NGF: variants seen among roughly 807,000 people sequenced by gnomAD.
NGF encodes the protein beta-nerve growth factor.
A neutral mutation model predicts 12.8 loss-of-function variants in NGF; 4 were observed. That is an observed-to-expected ratio of 0.31 (90% CI 0.15 to 0.72). The LOEUF (loss-of-function observed/expected upper bound fraction) is 0.72. Among genes scored for constraint, NGF ranks in the 30% least tolerant of loss-of-function variants. The pLI, the probability that NGF is intolerant of heterozygous loss-of-function variation, is 0.69. For missense variants in NGF, 283 were observed against 330.8 expected (o/e 0.86, Z 1.12); for synonymous variants, 140 against 130.0 (o/e 1.08, Z -0.52).
At chr1:115,312,526 G>A (rs7555016) in intron 1 of NGF, among the ~76,000 whole-genome samples, 127,753 of 152,222 alleles carry the variant, frequency 0.84, 53,999 homozygotes, top group African/African-American at 0.94. Context: ...GTCAGCAATG[G>A]AGGGGTCACA....
chr1:115,326,134 C>A (rs1185647508), intron 1 of NGF, among the ~76,000 whole-genome samples: 1 of 151,938 alleles, frequency 6.6e-6, no homozygotes, highest in Admixed American at 6.6e-5. Flanking sequence ...AGCTCTAGGG[C>A]ACACCATATT....
At chr1:115,329,481 C>T (rs1292304680) in intron 1 of NGF, among the ~76,000 whole-genome samples, 1 of 152,138 alleles carries the variant, frequency 6.6e-6, no homozygotes. Flanking sequence ...GTTGTCTATG[C>T]CAGTGGCTTT....
intron 1 of NGF, among the ~76,000 whole-genome samples, chr1:115,314,583 TG>T (rs1654422028): frequency 6.6e-6 from 1 of 152,232 alleles, no homozygotes; most frequent in African/African-American, 2.4e-5. Context: ...AGGTGCACCA[TG>T]CCTGGAACTG....
rs1203734754 is a variant in NGF at position 115,338,097 on chromosome 1, AG to A, written c.-137+106del. 2.0e-5 allele frequency: 3 copies of A among 152,238 alleles called. No individual in the cohort carries two copies. The East Asian group carries it at 5.8e-4, about 30-fold the overall frequency. The allele number at this position is 152,238 out of a possible 1,614,324, so 9.4% of individuals were successfully genotyped here. A position where few individuals can be genotyped will look rare whatever the true frequency, so the allele number is the denominator to read the frequency against. On this transcript the variant is annotated intron_variant, in intron 1 of 2. Coordinates refer to ENST00000369512, the MANE Select transcript of NGF (RefSeq NM_002506.3). ...GCGGGAGCCTCGGGGGTAACCAGAG[AG>A]CTCGCCAGACCGGTATCCTTGCAAA...
At chr1:115,310,967 T>C (rs1654321303) in intron 1 of NGF, among the ~76,000 whole-genome samples, 2 of 152,128 alleles carry the variant, frequency 1.3e-5, no homozygotes, top group East Asian at 3.9e-4. Flanking sequence ...CCAGGCATTA[T>C]ACTAGAAGCT....
At chr1:115,301,315 G>A (rs999855054) in intron 1 of NGF, among the ~76,000 whole-genome samples, 5 of 152,116 alleles carry the variant, frequency 3.3e-5, no homozygotes, top group African/African-American at 1.2e-4. Flanking sequence ...TCTTTAGCAA[G>A]AGACTTAACC....
chr1:115,288,005 A>C (rs11466108), intron 2 of NGF, among the ~76,000 whole-genome samples: 7,470 of 152,254 alleles, frequency 0.049, 242 homozygotes, highest in African/African-American at 0.085. Flanking sequence ...GATCAGAAAT[A>C]TCTCTTGTAA....
chr1:115,299,642 A>T (rs927477648), intron 1 of NGF, among the ~76,000 whole-genome samples: 1 of 152,220 alleles, frequency 6.6e-6, no homozygotes, highest in Non-Finnish European at 1.5e-5. Flanking sequence ...TGTAGGGCTA[A>T]ATAATAGTCC....
At chr1:115,315,011 G>A (rs1360560867) in intron 1 of NGF, among the ~76,000 whole-genome samples, 3 of 152,212 alleles carry the variant, frequency 2.0e-5, no homozygotes, top group Non-Finnish European at 4.4e-5. Flanking sequence ...AATGTGGGAA[G>A]GACATTCCAG....
intron 1 of NGF, among the ~76,000 whole-genome samples, chr1:115,299,669 C>T (rs1335337286): frequency 6.6e-6 from 1 of 152,188 alleles, no homozygotes; most frequent in Non-Finnish European, 1.5e-5. Context: ...TATAGCCCCT[C>T]AGCTTAGTAA....
At chr1:115,337,684 C>A (rs368251884) in intron 1 of NGF, among the ~76,000 whole-genome samples, 54 of 152,200 alleles carry the variant, frequency 3.5e-4, no homozygotes, top group African/African-American at 1.3e-3. Flanking sequence ...CCAGGTCTAG[C>A]GCGCCCCGTT....
At chr1:115,317,167 G>C (rs1162506564) in intron 1 of NGF, among the ~76,000 whole-genome samples, 1 of 152,024 alleles carries the variant, frequency 6.6e-6, no homozygotes, top group Non-Finnish European at 1.5e-5. Flanking sequence ...CATGGCCCTT[G>C]TAATTTTCCA....
chr1:115,299,732 T>C (rs1653977422), intron 1 of NGF, among the ~76,000 whole-genome samples: 1 of 152,194 alleles, frequency 6.6e-6, no homozygotes, highest in African/African-American at 2.4e-5. Context: ...AATCCAATAA[T>C]TTTTCAAACT....
chr1:115,325,238 T>C (rs995386955), intron 1 of NGF, among the ~76,000 whole-genome samples: 1 of 151,992 alleles, frequency 6.6e-6, no homozygotes, highest in African/African-American at 2.4e-5. Context: ...TGCAAAAAGG[T>C]CAGTGTGGTC....
intron 1 of NGF, among the ~76,000 whole-genome samples, chr1:115,306,372 C>T (rs925319687): frequency 2.0e-5 from 3 of 152,194 alleles, no homozygotes; most frequent in Admixed American, 6.5e-5. Context: ...ATTGTCCAGG[C>T]TTCATGCTCT....
intron 1 of NGF, among the ~76,000 whole-genome samples, chr1:115,336,338 C>T (rs1482717706): frequency 1.3e-5 from 2 of 152,180 alleles, no homozygotes; most frequent in African/African-American, 4.8e-5. Flanking sequence ...ATCTTGGCTT[C>T]CCATTTTTGG....
chr1:115,307,878 G>A (rs932809564), intron 1 of NGF, among the ~76,000 whole-genome samples: 1 of 152,196 alleles, frequency 6.6e-6, no homozygotes, highest in Non-Finnish European at 1.5e-5. Context: ...GGCTGGGTGT[G>A]CCAGACTGTC....
At chr1:115,301,398 A>G (rs1654030794) in intron 1 of NGF, among the ~76,000 whole-genome samples, 1 of 152,256 alleles carries the variant, frequency 6.6e-6, no homozygotes, top group Non-Finnish European at 1.5e-5. Context: ...GAGAGGGTTA[A>G]ATTGAATGAG....
At chr1:115,291,526 T>C (rs1653696262) in intron 2 of NGF, among the ~76,000 whole-genome samples, 1 of 152,192 alleles carries the variant, frequency 6.6e-6, no homozygotes, top group Admixed American at 6.5e-5. Flanking sequence ...CTATTTAATA[T>C]GAGAATGCTC....
Sources: gnomAD v4.1 joint callset for allele counts (sites outside exome capture counted in the v4.1 genomes callset) on GRCh38, gnomAD v4.1.1 for gene constraint, MANE v1.5 for transcripts, NCBI Gene and HGNC (gene_info 2026-07-23, HGNC 2026-07-21) for gene names.